The following CEP295NL variants were observed in gnomAD, a reference collection of about 807,000 sequenced individuals.
CEP295NL encodes CEP295 N-terminal like, also known as protein DDC8 homolog.
Under a neutral mutation model 4.6 loss-of-function variants are expected in CEP295NL, and 3 were observed. That is an observed-to-expected ratio of 0.65 (90% confidence interval 0.30 to 1.69). CEP295NL has a LOEUF of 1.69. Ranked by LOEUF, CEP295NL falls within the 40% of genes most tolerant of loss-of-function variation. The pLI is 0.10. For missense variants in CEP295NL, 719 were observed against 769.0 expected, an observed-to-expected ratio of 0.93 and a Z score of 0.77; for synonymous variants, 295 against 312.2, an observed-to-expected ratio of 0.94 and a Z score of 0.58.
At chr17:78,895,311 AAC>A (rs2069981447) in intron 2 of CEP295NL, among the ~76,000 whole-genome samples, 1 of 152,286 alleles carries the variant, frequency 6.6e-6, no homozygotes, top group South Asian at 2.1e-4. Context: ...AAAAATCAGC[AAC>A]AGATTTAAAT....
rs1159346436 is a variant in CEP295NL at position 78,896,033 on chromosome 17, G to A, written c.45-3574C>T. 2.0e-5 allele frequency among the ~76,000 whole-genome samples: 3 copies of A among 152,228 alleles called. No individual in the cohort carries two copies. The highest frequency in any genetic ancestry group is 2.1e-4 in the South Asian group (1 of 4,830). ...TCAGTTTTCCTGGAGACACGCAAAC[G>A]GGTAAAAACTTAACACATTTGGGCA... On this transcript the variant is annotated intron_variant, in intron 2 of 2. Coordinates refer to ENST00000322630, the MANE Select transcript of CEP295NL (RefSeq NM_001243540.2). The surrounding 1 kb of genome is among the most constrained non-coding windows in gnomAD (Gnocchi z 4.4).
intron 2 of CEP295NL, chr17:78,901,057 C>T (rs4789864): frequency 0.5 from 76,654 of 152,376 alleles, 20,405 homozygotes; most frequent in African/African-American, 0.69. Context: ...GGGCACCGCC[C>T]GTTCCCACCC....
rs887962643 is a variant in CEP295NL, at chr17:78,896,882, G to A, written c.45-4423C>T. 1.8e-5 allele frequency: 18 copies of A among 979,928 alleles called. No individual in the cohort carries two copies. In the East Asian group the frequency reaches 6.9e-4, roughly 37 times the overall value. 60.7% of individuals were successfully genotyped at this position (979,928 alleles called of 1,614,324 possible). A position where few individuals can be genotyped will look rare whatever the true frequency, so the allele number is the denominator to read the frequency against. On this transcript the variant is annotated intron_variant, in intron 2 of 2. Coordinates refer to ENST00000322630, the MANE Select transcript of CEP295NL (RefSeq NM_001243540.2). The surrounding 1 kb of genome is among the most constrained non-coding windows in gnomAD (Gnocchi z 4.4). ...TGGCAGCTCCACCCCAGACCGATCCGATCCCAGCACCTGGGCCCAGGAATG... is the reference window on the plus strand; with the variant it reads ...TGGCAGCTCCACCCCAGACCGATCCAATCCCAGCACCTGGGCCCAGGAATG...
chr17:78,899,080 C>T lies in CEP295NL; in HGVS notation c.44+2705G>A, dbSNP rs994382993. ...GTGCTGGGATTCCGGGTGTGAGCCC[C>T]CACGCCCGCCAGACTCTGCATCTCT... is the stretch of plus-strand genomic sequence containing the variant. On this transcript the variant is annotated intron_variant, in intron 2 of 2. Coordinates refer to ENST00000322630, the MANE Select transcript of CEP295NL (RefSeq NM_001243540.2). 9 of 152,058 alleles carry T rather than the reference C, an allele frequency of 5.9e-5. 1 individual carries two copies. Among genetic ancestry groups the T allele is most frequent in the African/African-American group, 2.2e-4 (9 of 41,566 alleles). The allele number at this position is 152,058 out of a possible 1,614,324, so 9.4% of individuals were successfully genotyped here.
At chr17:78,901,641 T>C (rs993869873) in intron 2 of CEP295NL, 144 bp downstream of exon 2, 5 of 699,140 alleles carry the variant, frequency 7.2e-6, no homozygotes, top group African/African-American at 5.3e-5. Context: ...CTATGTGACC[T>C]AGGCCAAGCG....
In CEP295NL at chr17:78,890,620, C is replaced by T. The variant is rs758096995; in HGVS notation, c.*18G>A. 16 of 1,545,442 alleles carry T rather than the reference C, an allele frequency of 1.0e-5. No individual in the cohort carries two copies. Among genetic ancestry groups the T allele is most frequent in the East Asian group, 4.9e-5 (2 of 40,836 alleles). On this transcript the variant is annotated 3_prime_UTR_variant, in exon 3 of 3. Coordinates refer to ENST00000322630, the MANE Select transcript of CEP295NL (RefSeq NM_001243540.2). ...ACCATTATCAGTGATGTATTTACCC[C>T]GGGTGGGCCTCTCGCATTTAGCATA...
Position 78,890,762 on chromosome 17 carries a change from T to G in CEP295NL, c.1742A>C (p.Asp581Ala), listed in dbSNP as rs1190362422. 5.8e-6 allele frequency: 9 copies of G among 1,550,662 alleles called. No individual in the cohort carries two copies. The Admixed American group carries it at 1.8e-4, about 30-fold the overall frequency. The change falls in exon 3 of 3, where the codon GAC becomes GCC. Residue 581 changes from aspartate to alanine, a missense_variant. Physicochemically the swap from Asp to Ala is moderately radical, Grantham distance 126. Coordinates refer to ENST00000322630, the MANE Select transcript of CEP295NL (RefSeq NM_001243540.2). ...TTSPSGTSLA[D>A]DDRHSQMIRD... The stretch of plus-strand genomic sequence containing the variant: ...GATCATCTGACTGTGCCGGTCGTCG[T>G]CGGCGAGGCTGGTGCCCGATGGGGA...
rs148999240 is a variant in CEP295NL, at chr17:78,894,193, A to ACC, written c.45-1736_45-1735dup. Among the ~76,000 whole-genome samples, 174 of 149,786 alleles carry ACC rather than the reference A, an allele frequency of 1.2e-3. 1 individual carries two copies. The Middle Eastern group carries it at 0.024, about 20-fold the overall frequency. Reference sequence around the variant, plus strand: ...TAATCCTTTGAGATACGAAGCTCCTACCCCCCCCGGTTCACAGACAGGGAA... The same window carrying ACC: ...TAATCCTTTGAGATACGAAGCTCCTACCCCCCCCCCGGTTCACAGACAGGGAA... On this transcript the variant is annotated intron_variant, in intron 2 of 2. Transcript: ENST00000322630.
chr17:78,901,162 G>C (rs1378627452), intron 2 of CEP295NL: 1 of 152,978 alleles, frequency 6.5e-6, no homozygotes, highest in Non-Finnish European at 1.5e-5. Flanking sequence ...CGAGAGCTCG[G>C]CAGAGACACC....
At position 78,892,283 on chromosome 17, in the gene CEP295NL, A is replaced by G. The variant is rs1364894287; in HGVS notation, c.221T>C (p.Leu74Pro). Residue 74 changes from leucine (L) to proline (P), a missense_variant, in exon 3 of 3, where the codon CTG becomes CCG. Coordinates refer to ENST00000322630, the MANE Select transcript of CEP295NL (RefSeq NM_001243540.2). ...WLSLCPDNEDLLWRKKHKLLQ... is the reference protein window; with the variant it reads ...WLSLCPDNEDPLWRKKHKLLQ... ...CAATTTGTGCTTTTTCCTCCAAAGC[A>G]GGTCTTCGTTATCAGGACAGAGGCT... is the stretch of plus-strand genomic sequence containing the variant. 1 of 1,550,644 alleles carries G rather than the reference A, an allele frequency of 6.4e-7. No homozygotes were observed. The highest frequency in any genetic ancestry group is 1.4e-5 in the African/African-American group (1 of 73,064).
chr17:78,895,497 G>A (rs997777898), intron 2 of CEP295NL, among the ~76,000 whole-genome samples: 1 of 152,208 alleles, frequency 6.6e-6, no homozygotes, highest in Non-Finnish European at 1.5e-5. Context: ...TGAGGAAGGA[G>A]GGGGAGGAAT....
intron 2 of CEP295NL, among the ~76,000 whole-genome samples, chr17:78,893,290 G>A (rs998652919): frequency 7.8e-6 from 1 of 128,928 alleles, no homozygotes; most frequent in Non-Finnish European, 1.6e-5. Context: ...TGCGGGCAAG[G>A]GTGTGTGTGC....
chr17:78,891,887 G>A lies in CEP295NL; in HGVS notation c.617C>T (p.Thr206Ile). ...ATTCATCCGACCCGTGGCTTTTGTA[G>A]TCTGTGGTTTCTCTGGACTCGCTGC... ...KTAASPEKPQTTKATGRMNSH... is the reference protein window; with the variant it reads ...KTAASPEKPQITKATGRMNSH... Residue 206 changes from threonine (T) to isoleucine (I), a missense_variant, in exon 3 of 3, where the codon ACT becomes ATT. Physicochemically the swap from Thr to Ile is moderately conservative, Grantham distance 89. Transcript: ENST00000322630. This position sits in a 1 kb window ranked among gnomAD's most constrained non-coding sequence, Gnocchi z 4.5. The A allele has an allele frequency of 6.4e-7, 1 of 1,550,650 alleles. No homozygotes were observed. The highest frequency in any genetic ancestry group is 8.7e-7 in the Non-Finnish European group (1 of 1,147,010).
chr17:78,890,892 G>T lies in CEP295NL; in HGVS notation c.1612C>A (p.Leu538Ile), dbSNP rs575706704. 10 of 1,550,602 alleles carry T rather than the reference G, an allele frequency of 6.4e-6. No individual in the cohort carries two copies. In the East Asian group the frequency reaches 2.2e-4, roughly 34 times the overall value. The stretch of plus-strand genomic sequence containing the variant: ...CTTTGCTCCCTCCTCTCTTTTTCTA[G>T]CTCAGCTTTGTAGTGGATTTCCAAG... ...MSLEIHYKAE[L>I]EKERREQRRA... Residue 538 changes from leucine to isoleucine, a missense_variant, in exon 3 of 3, where the codon CTA (leucine) becomes ATA (isoleucine). By Grantham distance (5) the Leu-to-Ile change is conservative (BLOSUM62 2). Transcript: ENST00000322630.
chr17:78,895,613 C>T (rs571114654), intron 2 of CEP295NL, among the ~76,000 whole-genome samples: 25 of 152,266 alleles, frequency 1.6e-4, no homozygotes, highest in Middle Eastern at 3.4e-3. Flanking sequence ...CCCTATGACC[C>T]AGAGATTCCA....
At chr17:78,897,010 G>T in intron 2 of CEP295NL, 1 of 985,298 alleles carries the variant, frequency 1.0e-6, no homozygotes, top group Non-Finnish European at 1.2e-6. Context: ...CTGGGCGGCC[G>T]CTCAGACAGC....
rs775904476 is a variant in CEP295NL, at chr17:78,891,561, C to G, written c.943G>C (p.Asp315His). 1.4e-5 allele frequency: 21 copies of G among 1,550,748 alleles called. No individual in the cohort carries two copies. In the African/African-American group the frequency reaches 2.6e-4, roughly 19 times the overall value. Residue 315 changes from aspartate (D) to histidine (H), a missense_variant, in exon 3 of 3, where the codon GAT becomes CAT. Coordinates refer to ENST00000322630, the MANE Select transcript of CEP295NL (RefSeq NM_001243540.2). The surrounding 1 kb of genome is among the most constrained non-coding windows in gnomAD (Gnocchi z 4.5). ...LRDLGQLWPADSSCRREAVSP... is the reference protein window; with the variant it reads ...LRDLGQLWPAHSSCRREAVSP... The stretch of plus-strand genomic sequence containing the variant: ...ACGGCTTCCCTTCTGCAGCTGGAAT[C>G]AGCTGGCCACAGCTGCCCGAGGTCT...
At position 78,896,119 on chromosome 17, in the gene CEP295NL, C is replaced by T. The variant is rs1327940428; in HGVS notation, c.45-3660G>A. ...GCTCCATCCTTCAGGAATCGATCCC[C>T]GCTCTGACACCATCAGATGCAACCT... On this transcript the variant is annotated intron_variant, in intron 2 of 2. Transcript: ENST00000322630. This position sits in a 1 kb window ranked among gnomAD's most constrained non-coding sequence, Gnocchi z 4.4. 2.0e-5 allele frequency among the ~76,000 whole-genome samples: 3 copies of T among 152,228 alleles called. No individual in the cohort carries two copies. The highest frequency in any genetic ancestry group is 6.5e-5 in the Admixed American group (1 of 15,282).
rs1194033817 is a variant in CEP295NL at position 78,901,939 on chromosome 17, G to A, written c.-98-13C>T. 1.3e-5 allele frequency: 8 copies of A among 604,566 alleles called. No homozygotes were observed. Among genetic ancestry groups the A allele is most frequent in the African/African-American group, 5.6e-5 (3 of 53,346 alleles). 37.5% of individuals were successfully genotyped at this position (604,566 alleles called of 1,614,324 possible). A position where few individuals can be genotyped will look rare whatever the true frequency, so the allele number is the denominator to read the frequency against. ...GAGACGCCCATCACTGGAGGCATCC[G>A]AACCAAGCCCAGATAAAACAAACAT... is the stretch of plus-strand genomic sequence containing the variant. On this transcript the variant is annotated splice_polypyrimidine_tract_variant and intron_variant, in intron 1 of 2. Coordinates refer to ENST00000322630, the MANE Select transcript of CEP295NL (RefSeq NM_001243540.2).
Sources: allele counts gnomAD v4.1 joint callset (sites outside exome capture counted in the v4.1 genomes callset), GRCh38; gene constraint gnomAD v4.1.1; non-coding constraint Gnocchi (gnomAD v3.1); transcripts MANE v1.5; gene names NCBI Gene and HGNC (gene_info 2026-07-23, HGNC 2026-07-21).